ABCA13: variants seen among roughly 807,000 people sequenced by gnomAD.
ABCA13 encodes the protein ATP-binding cassette sub-family A member 13.
ABCA13 carries 476 observed loss-of-function variants against 478.7 expected under a neutral mutation model. That is an observed-to-expected ratio of 0.99 (90% confidence interval 0.92 to 1.07). ABCA13 has a LOEUF of 1.07. Ranked by LOEUF, ABCA13 falls within the 50% of genes least tolerant of loss-of-function variation. The pLI, the probability that ABCA13 is intolerant of heterozygous loss-of-function variation, is 0.00. For missense variants in ABCA13, 6,060 were observed against 5,910.6 expected (o/e 1.03, Z -0.83); for synonymous variants, 2,252 against 2,158.9 (o/e 1.04, Z -1.20).
At chr7:48,411,846 T>A (rs1282616741) in intron 40 of ABCA13, among the ~76,000 whole-genome samples, 2 of 152,226 alleles carry the variant, frequency 1.3e-5, no homozygotes, top group Non-Finnish European at 2.9e-5. Flanking sequence ...TGACCCTTGG[T>A]GGCCCACGAA....
At chr7:48,388,983 G>A (rs557239131) in intron 36 of ABCA13, 57 bp from the exon 37 acceptor site, 87 of 1,546,054 alleles carry the variant, frequency 5.6e-5, no homozygotes, top group Admixed American at 5.1e-4. Context: ...ATAAATATGA[G>A]CATTATTTTT....
chr7:48,467,028 A>C lies in ABCA13; in HGVS notation c.12888A>C (p.Ala4296=), dbSNP rs1309782991. The change falls in exon 44 of 62, where the codon GCA becomes GCC. Residue 4296 remains alanine, a synonymous_variant. Transcript: ENST00000435803. ...RKFRDQDLPC[A]DLNPRQKNSS... is the part of the protein sequence containing the mutation. ...TTAGAGATCAAGATTTGCCCTGTGCAGATTTAAACCCACGCCAGTAAGTGT... is the reference window on the plus strand; with the variant it reads ...TTAGAGATCAAGATTTGCCCTGTGCCGATTTAAACCCACGCCAGTAAGTGT... 6 of 1,613,912 alleles carry C rather than the reference A, an allele frequency of 3.7e-6. No individual in the cohort carries two copies. The African/African-American group carries it at 8.0e-5, about 22-fold the overall frequency.
chr7:48,387,012 A>T (rs1467777427), intron 35 of ABCA13, among the ~76,000 whole-genome samples: 1 of 152,124 alleles, frequency 6.6e-6, no homozygotes, highest in African/African-American at 2.4e-5. Flanking sequence ...AAGGTAATGG[A>T]TACATGTGCT....
intron 59 of ABCA13, among the ~76,000 whole-genome samples, chr7:48,640,734 G>C (rs1203248076): frequency 6.6e-6 from 1 of 152,128 alleles, no homozygotes; most frequent in African/African-American, 2.4e-5. Context: ...GTTATAGATA[G>C]AAATGAAAAA....
intron 41 of ABCA13, among the ~76,000 whole-genome samples, chr7:48,424,130 A>T (rs1821114390): frequency 6.6e-6 from 1 of 152,224 alleles, no homozygotes; most frequent in African/African-American, 2.4e-5. Context: ...TGTAGCCAGG[A>T]CATTAGATGT....
intron 42 of ABCA13, among the ~76,000 whole-genome samples, chr7:48,444,638 G>A (rs1824043766): frequency 6.6e-6 from 1 of 152,150 alleles, no homozygotes; most frequent in South Asian, 2.1e-4. Flanking sequence ...TTATTCTTCT[G>A]AGGGGTCATT....
rs17548783 is a variant in ABCA13 at position 48,410,560 on chromosome 7, T to G, written c.12111T>G (p.Ala4037=). 13 of 1,613,714 alleles carry G rather than the reference T, an allele frequency of 8.1e-6. No individual in the cohort carries two copies. The highest frequency in any genetic ancestry group is 1.3e-5 in the African/African-American group (1 of 74,852). The part of the protein sequence containing the change: ...IIFTTHHLDE[A]EALSDRVAVL... Reference sequence around the variant, plus strand: ...TCACAACCCACCACCTGGATGAAGCTGAAGCGCTGAGTGACCGCGTGGCCG... The same window carrying G: ...TCACAACCCACCACCTGGATGAAGCGGAAGCGCTGAGTGACCGCGTGGCCG... Residue 4037 remains alanine (A), a synonymous_variant, in exon 40 of 62, where the codon GCT becomes GCG. Coordinates refer to ENST00000435803, the MANE Select transcript of ABCA13 (RefSeq NM_152701.5).
intron 29 of ABCA13, among the ~76,000 whole-genome samples, chr7:48,342,458 T>C (rs2128961063): frequency 6.6e-6 from 1 of 152,328 alleles, no homozygotes; most frequent in South Asian, 2.1e-4. Flanking sequence ...GAGACATTTA[T>C]ATTTTCCTTT....
chr7:48,200,774 A>G (rs953631030), intron 3 of ABCA13, among the ~76,000 whole-genome samples: 2 of 152,196 alleles, frequency 1.3e-5, no homozygotes, highest in Non-Finnish European at 2.9e-5. Flanking sequence ...ATGCGTTTTC[A>G]TATTGGAGTA....
rs143582174 is a variant in ABCA13 at position 48,515,963 on chromosome 7, C to T, written c.13641-762C>T. 4.1e-3 allele frequency among the ~76,000 whole-genome samples: 622 copies of T among 152,262 alleles called. 1 individual carries two copies. Among genetic ancestry groups the T allele is most frequent in the Middle Eastern group, 6.8e-3 (2 of 294 alleles). On this transcript the variant is annotated intron_variant, in intron 51 of 61. Coordinates refer to ENST00000435803, the MANE Select transcript of ABCA13 (RefSeq NM_152701.5). ...CTCCAGGCCACAGAGCCGACAAGTT[C>T]AGGCCCACGTACAACCCGTGTGTGT...
chr7:48,210,895 T>G (rs1785555729), intron 3 of ABCA13, among the ~76,000 whole-genome samples: 1 of 152,216 alleles, frequency 6.6e-6, no homozygotes, highest in Non-Finnish European at 1.5e-5. Context: ...GATTCTTCAT[T>G]GCTTTTCTGT....
Position 48,221,289 on chromosome 7 carries a change from T to C in ABCA13, c.448T>C (p.Tyr150His), listed in dbSNP as rs1787328532. 8.5e-7 allele frequency: 1 copy of C among 1,172,028 alleles called. No homozygotes were observed. The highest frequency in any genetic ancestry group is 1.2e-6 in the Non-Finnish European group (1 of 824,346). 72.6% of individuals were successfully genotyped at this position (1,172,028 alleles called of 1,614,324 possible). A position where few individuals can be genotyped will look rare whatever the true frequency, so the allele number is the denominator to read the frequency against. Residue 150 changes from tyrosine to histidine, a missense_variant, in exon 5 of 62, where the codon TAT becomes CAT. Around this residue, in one of 3 missense-constraint regions of ABCA13, gnomAD observed 4,423 missense variants for 4,309.1 expected, o/e 1.03. Coordinates refer to ENST00000435803, the MANE Select transcript of ABCA13 (RefSeq NM_152701.5). ...VERSNTPDSS[Y>H]GSSFFTMDLN... ...AACCTTCTTTATTATAGATTCTTCT[T>C]ATGGTTCCAGTTTTTTTACAGTAAG...
chr7:48,597,227 G>C (rs1378557726), intron 58 of ABCA13, among the ~76,000 whole-genome samples: 1 of 152,216 alleles, frequency 6.6e-6, no homozygotes, highest in African/African-American at 2.4e-5. Flanking sequence ...TGGGATTACA[G>C]GCGTGAGCCA....
intron 58 of ABCA13, among the ~76,000 whole-genome samples, chr7:48,596,586 G>A (rs538447340): frequency 1.3e-3 from 198 of 152,190 alleles, no homozygotes; most frequent in African/African-American, 4.5e-3. Flanking sequence ...CAAGGCGGGC[G>A]GATCACGAGG....
chr7:48,354,311 G>T (rs1018049343), intron 31 of ABCA13, among the ~76,000 whole-genome samples: 8 of 151,964 alleles, frequency 5.3e-5, no homozygotes, highest in Admixed American at 3.3e-4. Context: ...GAGACTGGGG[G>T]TTTACTTTGT....
At chr7:48,228,621 C>CA (rs1313727397) in intron 6 of ABCA13, among the ~76,000 whole-genome samples, 1 of 152,264 alleles carries the variant, frequency 6.6e-6, no homozygotes, top group Admixed American at 6.5e-5. Context: ...GGGCCAGGGA[C>CA]AGGTGCTCCC....
At chr7:48,286,705 AC>A (rs1797807351) in intron 19 of ABCA13, among the ~76,000 whole-genome samples, 3 of 152,004 alleles carry the variant, frequency 2.0e-5, no homozygotes, top group Non-Finnish European at 4.4e-5. Flanking sequence ...GGGTTTTACC[AC>A]ATTGGCCAGG....
intron 55 of ABCA13, among the ~76,000 whole-genome samples, chr7:48,547,511 G>A (rs2131169411): frequency 6.6e-6 from 1 of 151,902 alleles, no homozygotes; most frequent in Non-Finnish European, 1.5e-5. Flanking sequence ...TGTATTAGAT[G>A]GGTTTCCCTG....
chr7:48,295,785 A>G lies in ABCA13; in HGVS notation c.9041A>G (p.Lys3014Arg), dbSNP rs1305612181. ...CTTTCTAGCACCTTGGAGAGCTTCA[A>G]GAGCAGCTTGGAAAATGCCACTGGC... is the stretch of plus-strand genomic sequence containing the variant. ...KNLSSTLESF[K>R]SSLENATGQD... Residue 3014 changes from lysine (K) to arginine (R), a missense_variant, in exon 21 of 62, where the codon AAG (lysine) becomes AGG (arginine). Transcript: ENST00000435803. The G allele has an allele frequency of 6.2e-7, 1 of 1,614,060 alleles. No individual in the cohort carries two copies. Among genetic ancestry groups the G allele is most frequent in the African/African-American group, 1.3e-5 (1 of 75,060 alleles).
Sources: gnomAD v4.1 joint callset for allele counts (sites outside exome capture counted in the v4.1 genomes callset) on GRCh38, gnomAD v4.1.1 for gene constraint, gnomAD v4.1.1 regional missense constraint, MANE v1.5 for transcripts, NCBI Gene and HGNC (gene_info 2026-07-23, HGNC 2026-07-21) for gene names.